The following DMGDH variants were observed in gnomAD, a reference collection of about 807,000 sequenced individuals.
The protein encoded by DMGDH is dimethylglycine dehydrogenase.
In DMGDH, 76 loss-of-function variants were observed where a neutral mutation model predicts 95.2. The ratio of observed to expected loss-of-function variants is 0.80; its 90% CI spans 0.66 to 0.97. The LOEUF is 0.97. DMGDH is among the 50% of genes least tolerant of loss of function. The probability of loss-of-function intolerance (pLI) is 0.00; values close to 1 mark genes in which losing one functional copy is unlikely to be tolerated. For missense variants in DMGDH, 987 were observed against 1,055.0 expected (o/e 0.94, Z 0.89); for synonymous variants, 345 against 377.6 (o/e 0.91, Z 1.00).
chr5:79,055,991 T>A, intron 2 of DMGDH, 83 bp from the exon 3 acceptor site: 1 of 950,916 alleles, frequency 1.1e-6, no homozygotes, highest in Non-Finnish European at 1.7e-6. Flanking sequence ...AGCAATAATT[T>A]AATGCTGGAA....
intron 14 of DMGDH, among the ~76,000 whole-genome samples, chr5:79,019,582 G>A (rs1427099962): frequency 1.3e-5 from 2 of 152,078 alleles, no homozygotes; most frequent in East Asian, 3.9e-4. Flanking sequence ...TACCTGGAGG[G>A]CTTATTAGAA....
intron 5 of DMGDH, among the ~76,000 whole-genome samples, chr5:79,050,265 AAAAAAAAAATAT>A (rs1182797963): frequency 1.3e-3 from 71 of 52,606 alleles, no homozygotes; most frequent in African/African-American, 5.5e-3. Context: ...AAAAAAAAAA[AAAAAAAAAATAT>A]ATATATATAT....
At chr5:79,026,071 G>C (rs1753992701) in intron 13 of DMGDH, among the ~76,000 whole-genome samples, 1 of 152,162 alleles carries the variant, frequency 6.6e-6, no homozygotes, top group African/African-American at 2.4e-5. Flanking sequence ...TTCACCAAAA[G>C]GTATAAGATA....
Position 79,004,221 on chromosome 5 carries a change from T to C in DMGDH, c.2385+1052A>G, listed in dbSNP as rs186616525. ...CTGACAGGTGTGCTGCAAAGTTAAATGGGAGAGCACATGAAAAATATCTGG... is the reference window on the plus strand; with the variant it reads ...CTGACAGGTGTGCTGCAAAGTTAAACGGGAGAGCACATGAAAAATATCTGG... On this transcript the variant is annotated intron_variant, in intron 15 of 15. Coordinates refer to ENST00000255189, the MANE Select transcript of DMGDH (RefSeq NM_013391.3). 4.1e-3 allele frequency among the ~76,000 whole-genome samples: 623 copies of C among 152,248 alleles called. 5 individuals carry two copies. Among genetic ancestry groups the C allele is most frequent in the Middle Eastern group, 0.01 (3 of 294 alleles).
At chr5:79,032,881 AAAC>A (rs1277288643) in intron 8 of DMGDH, 41 bp from the exon 9 acceptor site, 3 of 1,610,316 alleles carry the variant, frequency 1.9e-6, no homozygotes, top group South Asian at 1.1e-5. Context: ...CATATAGCCA[AAAC>A]AACAAGATAC....
intron 14 of DMGDH, among the ~76,000 whole-genome samples, chr5:79,018,707 C>A (rs1753795441): frequency 1.3e-5 from 2 of 152,082 alleles, no homozygotes; most frequent in East Asian, 1.9e-4. Flanking sequence ...AAAATAAAAG[C>A]AATCTTAAAA....
In DMGDH at chr5:79,026,658, TATAAGCAGGAGA is replaced by T. The variant is rs758568767; in HGVS notation, c.2033-89_2033-78del. ...TCTAATGTGCATTAGCTAGAACACA[TATAAGCAGGAGA>T]AATTCCACTTATGCAACACAGACAT... On this transcript the variant is annotated intron_variant, in intron 12 of 15. Transcript: ENST00000255189. The T allele has an allele frequency of 2.3e-3, 3,645 of 1,593,090 alleles. 8 individuals carry two copies. The highest frequency in any genetic ancestry group is 2.9e-3 in the South Asian group (258 of 89,366).
chr5:79,000,195 T>C (rs1424254105), intron 15 of DMGDH: 1 of 605,224 alleles, frequency 1.7e-6, no homozygotes, highest in Non-Finnish European at 3.3e-6. Context: ...CTGGCACAGT[T>C]ATGTTTAAAG....
At chr5:79,066,840 G>C (rs1346758326) in intron 1 of DMGDH, among the ~76,000 whole-genome samples, 1 of 151,976 alleles carries the variant, frequency 6.6e-6, no homozygotes, top group Non-Finnish European at 1.5e-5. Flanking sequence ...TTTTTCCTTT[G>C]TATAAGTAAT....
intron 1 of DMGDH, among the ~76,000 whole-genome samples, chr5:79,068,561 A>G (rs1333923577): frequency 1.3e-5 from 2 of 152,124 alleles, no homozygotes; most frequent in East Asian, 1.9e-4. Context: ...ACATCACAAC[A>G]CCCAGTAAAT....
At chr5:79,010,759 C>T (rs1221311238) in intron 14 of DMGDH, among the ~76,000 whole-genome samples, 2 of 152,204 alleles carry the variant, frequency 1.3e-5, no homozygotes, top group Admixed American at 6.5e-5. Context: ...ATCCGTGTAA[C>T]ATCCTCTGTC....
chr5:79,027,041 T>G lies in DMGDH; in HGVS notation c.2033-460A>C, dbSNP rs573736836. The stretch of plus-strand genomic sequence containing the variant: ...CTAAGAATTATTCAAGTTATCCTCA[T>G]AGTGAGAAAGCCATAGTCTCTGACT... On this transcript the variant is annotated intron_variant, in intron 12 of 15. Transcript: ENST00000255189. Among the ~76,000 whole-genome samples the G allele has an allele frequency of 5.9e-4, 90 of 152,330 alleles. 2 individuals carry two copies. The highest frequency in any genetic ancestry group is 1.7e-3 in the African/African-American group (71 of 41,584).
intron 14 of DMGDH, among the ~76,000 whole-genome samples, chr5:79,006,592 G>A (rs2112600514): frequency 6.6e-6 from 1 of 152,322 alleles, no homozygotes; most frequent in African/African-American, 2.4e-5. Flanking sequence ...AGATCACAAT[G>A]TGGAAAACAA....
intron 7 of DMGDH, among the ~76,000 whole-genome samples, chr5:79,036,398 C>T (rs975422907): frequency 6.6e-6 from 1 of 152,186 alleles, no homozygotes. Flanking sequence ...CTTTTTATAA[C>T]TCTGTTAAAT....
At chr5:79,021,499 G>A (rs1234997295) in intron 14 of DMGDH, 6 of 1,267,042 alleles carry the variant, frequency 4.7e-6, no homozygotes, top group Admixed American at 2.4e-5. Context: ...CAAGACGGAA[G>A]GAAGCAAGGG....
At chr5:79,014,884 G>A (rs1269604493) in intron 14 of DMGDH, among the ~76,000 whole-genome samples, 2 of 152,122 alleles carry the variant, frequency 1.3e-5, no homozygotes, top group Non-Finnish European at 2.9e-5. Context: ...AGACACAGGG[G>A]TGAGGCTAAG....
At chr5:79,008,870 C>T (rs1448568922) in intron 14 of DMGDH, among the ~76,000 whole-genome samples, 1 of 152,138 alleles carries the variant, frequency 6.6e-6, no homozygotes, top group African/African-American at 2.4e-5. Flanking sequence ...AAAATGATGG[C>T]TTCACATTCA....
intron 1 of DMGDH, among the ~76,000 whole-genome samples, chr5:79,066,505 G>C (rs981068624): frequency 1.3e-5 from 2 of 148,564 alleles, no homozygotes; most frequent in African/African-American, 5.0e-5. Flanking sequence ...CATGCTAACC[G>C]GGATGGTCTT....
At chr5:79,034,874 G>A (rs1489035833) in intron 7 of DMGDH, among the ~76,000 whole-genome samples, 1 of 151,562 alleles carries the variant, frequency 6.6e-6, no homozygotes, top group African/African-American at 2.4e-5. Context: ...TGGCTAACAC[G>A]GTGAAACCCC....
Sources: gnomAD v4.1 joint callset for allele counts (sites outside exome capture counted in the v4.1 genomes callset) on GRCh38, gnomAD v4.1.1 for gene constraint, MANE v1.5 for transcripts, NCBI Gene and HGNC (gene_info 2026-07-23, HGNC 2026-07-21) for gene names.